NCAM1: variants seen among roughly 807,000 people sequenced by gnomAD.
The protein encoded by NCAM1 is neural cell adhesion molecule 1.
Under a neutral mutation model 109.8 loss-of-function variants are expected in NCAM1, and 14 were observed. The observed-to-expected ratio is 0.13, with a 90% CI of 0.08 to 0.20. NCAM1 has a LOEUF of 0.20. Ranked by LOEUF, NCAM1 falls within the 10% of genes least tolerant of loss-of-function variation. The pLI, the probability that NCAM1 is intolerant of heterozygous loss-of-function variation, is 1.00. For synonymous variants in NCAM1, 418 were observed against 442.9 expected, an observed-to-expected ratio of 0.94 and a Z score of 0.70; for missense variants, 774 against 1,109.9, an observed-to-expected ratio of 0.70 and a Z score of 4.30.
chr11:113,058,127 A>G (rs1399194171), intron 1 of NCAM1, among the ~76,000 whole-genome samples: 3 of 152,098 alleles, frequency 2.0e-5, no homozygotes, highest in Non-Finnish European at 4.4e-5. Flanking sequence ...TACTAAAAAT[A>G]CAAAAAATTA....
chr11:112,980,632 GT>G (rs1327342861), intron 1 of NCAM1, among the ~76,000 whole-genome samples: 1 of 151,674 alleles, frequency 6.6e-6, no homozygotes, highest in Non-Finnish European at 1.5e-5. Flanking sequence ...TTTTTCAATA[GT>G]TTTGAGGGTA....
intron 1 of NCAM1, among the ~76,000 whole-genome samples, chr11:113,171,633 C>CAATA (rs58639337): frequency 0.23 from 33,913 of 148,968 alleles, 4,190 homozygotes; most frequent in Non-Finnish European, 0.28. Context: ...GACTTTGTCT[C>CAATA]AATAAATAAA....
At chr11:113,026,641 T>C (rs1320411705) in intron 1 of NCAM1, among the ~76,000 whole-genome samples, 3 of 152,150 alleles carry the variant, frequency 2.0e-5, no homozygotes, top group Non-Finnish European at 4.4e-5. Context: ...ATAAATATTT[T>C]GTATGGGAGA....
intron 1 of NCAM1, among the ~76,000 whole-genome samples, chr11:113,104,028 G>C (rs1180314108): frequency 6.6e-6 from 1 of 152,032 alleles, no homozygotes; most frequent in African/African-American, 2.4e-5. Context: ...TGGGTTGGAT[G>C]CGTCGTTTCT....
chr11:113,079,692 C>G (rs1366470344), intron 1 of NCAM1, among the ~76,000 whole-genome samples: 1 of 151,938 alleles, frequency 6.6e-6, no homozygotes, highest in African/African-American at 2.4e-5. Context: ...TTAAAGCAAC[C>G]TTGTGTTTGA....
intron 17 of NCAM1, chr11:113,265,237 G>A: frequency 2.2e-6 from 2 of 898,246 alleles, no homozygotes; most frequent in Non-Finnish European, 2.7e-6. Flanking sequence ...AGTTGTGTCT[G>A]ACAAAGCAGC....
At chr11:113,063,705 A>C (rs1258069821) in intron 1 of NCAM1, among the ~76,000 whole-genome samples, 1 of 152,208 alleles carries the variant, frequency 6.6e-6, no homozygotes, top group Non-Finnish European at 1.5e-5. Flanking sequence ...CAACACACTC[A>C]AACCTTGTCT....
At chr11:113,214,246 A>T in intron 7 of NCAM1, 123 bp from the exon 8 acceptor site, 1 of 1,002,292 alleles carries the variant, frequency 1.0e-6, no homozygotes, top group Non-Finnish European at 1.4e-6. Context: ...ATCTCCTAAA[A>T]CACCTAGACT....
chr11:113,205,783 A>T lies in NCAM1; in HGVS notation c.490+117A>T, dbSNP rs1418598366. 4 of 1,397,076 alleles carry T rather than the reference A, an allele frequency of 2.9e-6. No homozygotes were observed. The South Asian group carries it at 4.2e-5, about 15-fold the overall frequency. 86.5% of individuals were successfully genotyped at this position (1,397,076 alleles called of 1,614,324 possible). A position where few individuals can be genotyped will look rare whatever the true frequency, so the allele number is the denominator to read the frequency against. On this transcript the variant is annotated intron_variant, in intron 4 of 19. Transcript: ENST00000316851. ...CCAATTCATGTGTGCCCGAACCCTC[A>T]TGTGGTTTCTGGGTCCTGAATAGAT...
intron 1 of NCAM1, among the ~76,000 whole-genome samples, chr11:113,170,959 A>G (rs1942969544): frequency 6.6e-6 from 1 of 152,194 alleles, no homozygotes; most frequent in African/African-American, 2.4e-5. Flanking sequence ...CAGTAGTATA[A>G]TTAAAAGTAA....
intron 7 of NCAM1, among the ~76,000 whole-genome samples, chr11:113,208,771 C>G (rs987606829): frequency 6.6e-6 from 1 of 152,182 alleles, no homozygotes; most frequent in Non-Finnish European, 1.5e-5. Flanking sequence ...TCTCCTACCT[C>G]TACTAGTGTG....
In NCAM1 at chr11:113,277,956, A is replaced by ATAAT. The variant is rs1946438507; in HGVS notation, c.*2571_*2574dup. The ATAAT allele has an allele frequency of 2.0e-5, 3 of 149,512 alleles. No individual in the cohort carries two copies. The highest frequency in any genetic ancestry group is 4.4e-5 in the Non-Finnish European group (3 of 67,486). The allele number at this position is 149,512 out of a possible 1,614,324, so 9.3% of individuals were successfully genotyped here. A position where few individuals can be genotyped will look rare whatever the true frequency, so the allele number is the denominator to read the frequency against. On this transcript the variant is annotated 3_prime_UTR_variant, in exon 20 of 20. Transcript: ENST00000316851. ...CTTTTATGTTAAGAGATCAAAGCTT[A>ATAAT]TAATTTTCTTTTTTAATTTTTGAAG...
At chr11:112,970,323 C>A (rs1217408570) in intron 1 of NCAM1, among the ~76,000 whole-genome samples, 1 of 152,138 alleles carries the variant, frequency 6.6e-6, no homozygotes, top group African/African-American at 2.4e-5. Context: ...TAGTTCATTG[C>A]AGCACTAAAA....
chr11:113,011,415 A>G (rs1360324973), intron 1 of NCAM1, among the ~76,000 whole-genome samples: 1 of 152,016 alleles, frequency 6.6e-6, no homozygotes, highest in Non-Finnish European at 1.5e-5. Flanking sequence ...TAATGCCGCA[A>G]TAAACATACG....
chr11:113,265,694 A>C (rs1358872025), intron 17 of NCAM1, among the ~76,000 whole-genome samples: 1 of 152,178 alleles, frequency 6.6e-6, no homozygotes, highest in Non-Finnish European at 1.5e-5. Context: ...TCGAAGGAGC[A>C]AGCAGACATG....
At chr11:113,252,407 A>C (rs1425140789) in intron 15 of NCAM1, among the ~76,000 whole-genome samples, 1 of 125,270 alleles carries the variant, frequency 8.0e-6, no homozygotes, top group Non-Finnish European at 1.7e-5. Flanking sequence ...CCCTGTCTCA[A>C]AAAAAAAAAA....
chr11:113,231,491 G>A (rs1470376026), intron 9 of NCAM1, 154 bp from the exon 10 acceptor site: 2 of 926,110 alleles, frequency 2.2e-6, no homozygotes, highest in African/African-American at 1.7e-5. Context: ...GGTACCTAAA[G>A]TAAGAAAGCC....
Position 113,206,106 on chromosome 11 carries a change from G to A in NCAM1, c.554G>A (p.Gly185Asp), listed in dbSNP as rs1555112815. The A allele has an allele frequency of 5.0e-6, 8 of 1,613,904 alleles. No individual in the cohort carries two copies. Among genetic ancestry groups the A allele is most frequent in the East Asian group, 2.2e-5 (1 of 44,866 alleles). The stretch of plus-strand genomic sequence containing the variant: ...CGGGGCATCAAGAAAACAGATGAGG[G>A]CACTTATCGCTGTGAGGGCAGAATC... ...QIRGIKKTDE[G>D]TYRCEGRILA... The change falls in exon 5 of 20, where the codon GGC becomes GAC. Residue 185 changes from glycine to aspartate, a missense_variant. This residue lies in a region of NCAM1 where 523 missense variants were observed against 784.2 expected (regional missense o/e 0.67). Transcript: ENST00000316851.
intron 1 of NCAM1, among the ~76,000 whole-genome samples, chr11:113,102,321 C>T (rs2135873423): frequency 6.6e-6 from 1 of 152,288 alleles, no homozygotes; most frequent in South Asian, 2.1e-4. Context: ...CTTTCACACA[C>T]TATGCACATG....
Sources: allele counts gnomAD v4.1 joint callset (sites outside exome capture counted in the v4.1 genomes callset), GRCh38; gene constraint gnomAD v4.1.1; regional missense constraint gnomAD v4.1.1; transcripts MANE v1.5; gene names NCBI Gene and HGNC (gene_info 2026-07-23, HGNC 2026-07-21).